The following KDR variants were observed in gnomAD, a reference collection of about 807,000 sequenced individuals.
KDR encodes vascular endothelial growth factor receptor 2.
Under a neutral mutation model 160.9 loss-of-function variants are expected in KDR, and 43 were observed. That is an observed-to-expected ratio of 0.27 (90% CI 0.21 to 0.34). KDR has a LOEUF of 0.34. KDR is among the 10% of genes least tolerant of loss of function. KDR has a pLI of 1.00. For synonymous variants in KDR, 617 were observed against 600.1 expected, an observed-to-expected ratio of 1.03 and a Z score of -0.41; for missense variants, 1,469 against 1,666.4, an observed-to-expected ratio of 0.88 and a Z score of 2.06.
At chr4:55,086,011 T>C (rs1180364797) in intron 27 of KDR, among the ~76,000 whole-genome samples, 4 of 152,198 alleles carry the variant, frequency 2.6e-5, no homozygotes, top group Admixed American at 2.6e-4. Context: ...TCAAATGGCT[T>C]TCTGATAAAG....
rs2110010313 is a variant in KDR, at chr4:55,088,962, ATGGTC to A, written c.3411_3415del (p.Gln1137HisfsTer29). The A allele has an allele frequency of 6.2e-7, 1 of 1,612,902 alleles. No individual in the cohort carries two copies. Among genetic ancestry groups the A allele is most frequent in the South Asian group, 1.1e-5 (1 of 91,036 alleles). On this transcript the variant is annotated frameshift_variant, in exon 26 of 30. Coordinates refer to ENST00000263923, the MANE Select transcript of KDR (RefSeq NM_002253.4). LOFTEE classifies it high-confidence loss of function. The stretch of plus-strand genomic sequence containing the variant: ...GGGCTCCCCGTGCCAGCAGTCCAGC[ATGGTC>A]TGGTACCTAGAGAAGCAAAACACTG...
chr4:55,110,434 C>T lies in KDR; in HGVS notation c.1224G>A (p.Lys408=), dbSNP rs1324232668. The change falls in exon 9 of 30, where the codon AAG becomes AAA. Residue 408 remains lysine, a synonymous_variant. Coordinates refer to ENST00000263923, the MANE Select transcript of KDR (RefSeq NM_002253.4). ...VILTNPISKE[K]QSHVVSLVVY... ...CAACCAGAGAGACCACATGGCTCTGCTTCTCCTTTGAAATGGGATTGGTAA... is the reference window on the plus strand; with the variant it reads ...CAACCAGAGAGACCACATGGCTCTGTTTCTCCTTTGAAATGGGATTGGTAA... The T allele has an allele frequency of 6.2e-7, 1 of 1,614,096 alleles. No homozygotes were observed. Among genetic ancestry groups the T allele is most frequent in the Middle Eastern group, 1.7e-4 (1 of 6,060 alleles).
intron 29 of KDR, among the ~76,000 whole-genome samples, chr4:55,080,510 G>A (rs1719706947): frequency 6.6e-6 from 1 of 152,160 alleles, no homozygotes. Context: ...AGGCGCCAAA[G>A]GGCCACTTGC....
At chr4:55,096,622 T>C (rs1346092939) in intron 18 of KDR, 3 of 461,802 alleles carry the variant, frequency 6.5e-6, no homozygotes, top group Admixed American at 7.3e-5. Flanking sequence ...AGTGGAATCA[T>C]GCCCAGATTC....
chr4:55,114,909 C>CT lies in KDR; in HGVS notation c.622dup (p.Ser208LysfsTer15). ...AACTATGTACATAATAGACTGGTAA[C>CT]TTTCATCATTAATTTTTGCTTCACA... On this transcript the variant is annotated frameshift_variant, in exon 5 of 30. Transcript: ENST00000263923. LOFTEE classifies it high-confidence loss of function. 6.2e-7 allele frequency: 1 copy of CT among 1,613,796 alleles called. No individual in the cohort carries two copies. The highest frequency in any genetic ancestry group is 8.5e-7 in the Non-Finnish European group (1 of 1,179,780).
At chr4:55,094,711 T>A in intron 21 of KDR, 91 bp downstream of exon 21, 1 of 1,241,954 alleles carries the variant, frequency 8.1e-7, no homozygotes, top group Non-Finnish European at 1.2e-6. Context: ...AGTATTGGAC[T>A]TTTCCCATGA....
In KDR at chr4:55,104,661, T is replaced by A. The variant is rs1720394711; in HGVS notation, c.1969A>T (p.Arg657Trp). 3 of 1,613,542 alleles carry A rather than the reference T, an allele frequency of 1.9e-6. No individual in the cohort carries two copies. Among genetic ancestry groups the A allele is most frequent in the Non-Finnish European group, 2.5e-6 (3 of 1,179,768 alleles). ...RKTKKRHCVVRQLTVLERVAP... is the reference protein window; with the variant it reads ...RKTKKRHCVVWQLTVLERVAP... ...TCCCTACCTAGGACTGTGAGCTGCC[T>A]GACCACGCAATGTCTTTTCTTGGTC... The change falls in exon 13 of 30, where the codon AGG (arginine) becomes TGG (tryptophan). Residue 657 changes from arginine to tryptophan, a missense_variant. By Grantham distance (101) the Arg-to-Trp change is moderately radical. Transcript: ENST00000263923.
intron 27 of KDR, among the ~76,000 whole-genome samples, chr4:55,084,083 T>C (rs1365950004): frequency 6.6e-6 from 1 of 152,070 alleles, no homozygotes; most frequent in Non-Finnish European, 1.5e-5. Context: ...TCTCTAGGGG[T>C]GAGTATTACT....
At position 55,095,669 on chromosome 4, in the gene KDR, C is replaced by A; in HGVS notation, c.2729-4G>T. 1.2e-6 allele frequency: 2 copies of A among 1,610,556 alleles called. No individual in the cohort carries two copies. Among genetic ancestry groups the A allele is most frequent in the Non-Finnish European group, 1.7e-6 (2 of 1,176,954 alleles). On this transcript the variant is annotated splice_region_variant and splice_polypyrimidine_tract_variant and intron_variant, in intron 19 of 29. Coordinates refer to ENST00000263923, the MANE Select transcript of KDR (RefSeq NM_002253.4). ...TCCACAATCACCATGAGTGGCCCTG[C>A]AGGCAGCATGTCCAGGAAGGAAAAT...
rs1382201881 is a variant in KDR at position 55,098,121 on chromosome 4, G to A, written c.2509+16C>T. On this transcript the variant is annotated intron_variant, in intron 17 of 29. Coordinates refer to ENST00000263923, the MANE Select transcript of KDR (RefSeq NM_002253.4). ...TGGTAAACACAATATCAAATTAATA[G>A]CAATTGAAAATGCACCTAGCTTCAG... is the stretch of plus-strand genomic sequence containing the variant. The A allele has an allele frequency of 6.2e-7, 1 of 1,613,656 alleles. No individual in the cohort carries two copies. Among genetic ancestry groups the A allele is most frequent in the Non-Finnish European group, 8.5e-7 (1 of 1,179,740 alleles).
rs7667298 is a variant in KDR at position 55,125,564 on chromosome 4, T to G, written c.-271A>C. Reference sequence around the variant, plus strand: ...GCAGAGGAAACGCAGCGACCACACATTGACCGCTCTCCCGGGGTCCCGGGA... The same window carrying G: ...GCAGAGGAAACGCAGCGACCACACAGTGACCGCTCTCCCGGGGTCCCGGGA... On this transcript the variant is annotated 5_prime_UTR_variant, in exon 1 of 30. The change abolishes an upstream ATG in the 5' untranslated region. Coordinates refer to ENST00000263923, the MANE Select transcript of KDR (RefSeq NM_002253.4). 2 of 590,586 alleles carry G rather than the reference T, an allele frequency of 3.4e-6. No homozygotes were observed. The highest frequency in any genetic ancestry group is 3.7e-5 in the African/African-American group (2 of 53,530). 36.6% of individuals were successfully genotyped at this position (590,586 alleles called of 1,614,324 possible).
intron 12 of KDR, among the ~76,000 whole-genome samples, chr4:55,105,545 C>A (rs1720427042): frequency 6.6e-6 from 1 of 152,180 alleles, no homozygotes; most frequent in African/African-American, 2.4e-5. Context: ...AAGCCAGGCA[C>A]TGTGCCAGAC....
In KDR at chr4:55,089,427, C is replaced by T. The variant is rs1462347003; in HGVS notation, c.3351G>A (p.Arg1117=). Residue 1117 remains arginine, a synonymous_variant, in exon 25 of 30, where the codon AGG becomes AGA. Coordinates refer to ENST00000263923, the MANE Select transcript of KDR (RefSeq NM_002253.4). ...PGVKIDEEFC[R]RLKEGTRMRA... is the part of the protein sequence containing the mutation. ...TCATTCTAGTTCCTTCTTTCAATCGCCTACAAAATTCTTCATCAATCTTTA... is the reference window on the plus strand; with the variant it reads ...TCATTCTAGTTCCTTCTTTCAATCGTCTACAAAATTCTTCATCAATCTTTA... The T allele has an allele frequency of 1.2e-6, 2 of 1,613,212 alleles. No individual in the cohort carries two copies. Among genetic ancestry groups the T allele is most frequent in the Non-Finnish European group, 1.7e-6 (2 of 1,179,442 alleles).
Position 55,098,818 on chromosome 4 carries a change from T to G in KDR, c.2267-15A>C, listed in dbSNP as rs773280041. On this transcript the variant is annotated splice_polypyrimidine_tract_variant and intron_variant, in intron 15 of 29. Transcript: ENST00000263923. Reference sequence around the variant, plus strand: ...TTCCTGGGCACCTGGAAAGACACAATTGAATGAGTATCAACAGTTGGAAAC... The same window carrying G: ...TTCCTGGGCACCTGGAAAGACACAAGTGAATGAGTATCAACAGTTGGAAAC... The G allele has an allele frequency of 2.1e-5, 32 of 1,552,662 alleles. No homozygotes were observed. In the East Asian group the frequency reaches 7.2e-4, roughly 35 times the overall value.
chr4:55,098,647 T>C (rs751800484), intron 16 of KDR, 50 bp downstream of exon 16: 2 of 1,383,910 alleles, frequency 1.4e-6, no homozygotes, highest in South Asian at 1.2e-5. Flanking sequence ...TCAGTTTTCA[T>C]TAATCATGAA....
intron 7 of KDR, among the ~76,000 whole-genome samples, chr4:55,111,606 GC>G (rs1242624743): frequency 9.2e-5 from 14 of 152,100 alleles, no homozygotes; most frequent in Admixed American, 9.2e-4. Flanking sequence ...CCTTATTTCT[GC>G]CCCTATTTCC....
chr4:55,080,350 AATTAGTAGTTGCAGATAAGT>A (rs1719701660), intron 29 of KDR, among the ~76,000 whole-genome samples, 187 bp from the exon 30 acceptor site: 1 of 152,204 alleles, frequency 6.6e-6, no homozygotes. Context: ...TACTCGCATG[AATTAGTAGTTGCAGATAAGT>A]CCTCTTACTC....
At chr4:55,109,358 C>T (rs1720518891) in intron 9 of KDR, among the ~76,000 whole-genome samples, 1 of 152,082 alleles carries the variant, frequency 6.6e-6, no homozygotes. Flanking sequence ...GCTGGGATTA[C>T]AGATGCAAAC....
In KDR at chr4:55,114,867, CT is replaced by C. The variant is rs755774860; in HGVS notation, c.658+6del. On this transcript the variant is annotated splice_donor_region_variant and intron_variant, in intron 5 of 29. Transcript: ENST00000263923. ...ATTAATGATATGGAAAGGAAATGTC[CT>C]CTTACCTACAACGACAACTATGTAC... 1.2e-6 allele frequency: 2 copies of C among 1,608,946 alleles called. No individual in the cohort carries two copies. The highest frequency in any genetic ancestry group is 3.3e-5 in the Admixed American group (2 of 59,986).
Sources: allele counts gnomAD v4.1 joint callset (sites outside exome capture counted in the v4.1 genomes callset), GRCh38; gene constraint gnomAD v4.1.1; transcripts MANE v1.5; gene names NCBI Gene and HGNC (gene_info 2026-07-23, HGNC 2026-07-21).